The following LDB2 variants were observed in gnomAD, a reference collection of about 807,000 sequenced individuals.
LDB2 encodes the protein LIM domain binding 2.
Under a neutral mutation model 44.3 loss-of-function variants are expected in LDB2, and 12 were observed. The ratio of observed to expected loss-of-function variants is 0.27; its 90% CI spans 0.17 to 0.44. The LOEUF (loss-of-function observed/expected upper bound fraction) is 0.44, where lower values mean the gene tolerates loss of function less well. LDB2 is among the 20% of genes least tolerant of loss of function. LDB2 has a pLI of 1.00. For missense variants in LDB2, 344 were observed against 473.5 expected, an observed-to-expected ratio of 0.73 and a Z score of 2.54; for synonymous variants, 164 against 174.8, an observed-to-expected ratio of 0.94 and a Z score of 0.49.
chr4:16,586,112 T>C (rs1297725674), intron 4 of LDB2, 107 bp from the exon 5 acceptor site: 6 of 836,154 alleles, frequency 7.2e-6, no homozygotes, highest in Non-Finnish European at 1.2e-5. Flanking sequence ...ACATTGTTGA[T>C]TTTATTTGGA....
rs372871991 is a variant in LDB2, at chr4:16,732,663, C to T, written c.235+26495G>A. ...TCAAATTGGAAAACGAGAGAAACTGCCTAATACAGAAAGTTTTATTTTGAT... is the reference window on the plus strand; with the variant it reads ...TCAAATTGGAAAACGAGAGAAACTGTCTAATACAGAAAGTTTTATTTTGAT... On this transcript the variant is annotated intron_variant, in intron 2 of 7. Transcript: ENST00000304523. Among the ~76,000 whole-genome samples, 45 of 152,222 alleles carry T rather than the reference C, an allele frequency of 3.0e-4. No individual in the cohort carries two copies. In the South Asian group the frequency reaches 4.6e-3, roughly 15 times the overall value.
At chr4:16,688,913 T>C (rs1749912112) in intron 2 of LDB2, among the ~76,000 whole-genome samples, 1 of 152,260 alleles carries the variant, frequency 6.6e-6, no homozygotes, top group Non-Finnish European at 1.5e-5. Flanking sequence ...GGATTCTGCA[T>C]CAGGCAAAGT....
At chr4:16,748,794 T>C (rs779032279) in intron 2 of LDB2, among the ~76,000 whole-genome samples, 1 of 152,116 alleles carries the variant, frequency 6.6e-6, no homozygotes, top group Non-Finnish European at 1.5e-5. Flanking sequence ...ATAGTAATAA[T>C]GTAGTGTTTG....
chr4:16,897,587 C>A (rs1455385935), intron 1 of LDB2, among the ~76,000 whole-genome samples: 1 of 152,068 alleles, frequency 6.6e-6, no homozygotes, highest in Non-Finnish European at 1.5e-5. Flanking sequence ...GGCTGAGTCT[C>A]CCTCTCTCAG....
chr4:16,887,221 A>C (rs1336450002), intron 1 of LDB2, among the ~76,000 whole-genome samples: 1 of 113,596 alleles, frequency 8.8e-6, no homozygotes. Flanking sequence ...CTAAGACTTG[A>C]AAAAAAAAAA....
intron 2 of LDB2, among the ~76,000 whole-genome samples, chr4:16,674,046 C>A (rs1745616477): frequency 6.6e-6 from 1 of 151,860 alleles, no homozygotes; most frequent in Admixed American, 6.6e-5. Context: ...TTGTATATCG[C>A]CTTAGTGTTT....
intron 1 of LDB2, among the ~76,000 whole-genome samples, chr4:16,798,036 A>G (rs1398280551): frequency 4.0e-5 from 5 of 126,110 alleles, no homozygotes; most frequent in South Asian, 2.4e-4. Context: ...CTCTGTCTCG[A>G]AAAAAAAAAA....
rs140555452 is a variant in LDB2 at position 16,593,504 on chromosome 4, G to GA, written c.408+2198dup. Among the ~76,000 whole-genome samples the GA allele has an allele frequency of 4.3e-4, 64 of 147,496 alleles. No individual in the cohort carries two copies. The East Asian group carries it at 4.7e-3, about 11-fold the overall frequency. On this transcript the variant is annotated intron_variant, in intron 3 of 7. Transcript: ENST00000304523. Reference sequence around the variant, plus strand: ...ACAAAAAATTGAGAGAGGAAAAAAAGAAAAAAAAAATGGATCCTTTCAAAT... The same window carrying GA: ...ACAAAAAATTGAGAGAGGAAAAAAAGAAAAAAAAAAATGGATCCTTTCAAAT...
intron 2 of LDB2, among the ~76,000 whole-genome samples, chr4:16,672,536 T>A (rs1180363830): frequency 6.6e-6 from 1 of 152,168 alleles, no homozygotes; most frequent in Non-Finnish European, 1.5e-5. Flanking sequence ...TTTTTTAAAC[T>A]ATACTACTGG....
chr4:16,851,237 T>G (rs896897655), intron 1 of LDB2, among the ~76,000 whole-genome samples: 1 of 151,586 alleles, frequency 6.6e-6, no homozygotes, highest in Admixed American at 6.6e-5. Flanking sequence ...TTGTGAAAAA[T>G]TAACATATGC....
intron 1 of LDB2, among the ~76,000 whole-genome samples, chr4:16,784,049 G>C (rs1033346770): frequency 6.6e-6 from 1 of 152,136 alleles, no homozygotes; most frequent in Non-Finnish European, 1.5e-5. Context: ...CATTGACCCT[G>C]CTGCCAGTGG....
chr4:16,711,440 A>C (rs1265907922), intron 2 of LDB2, among the ~76,000 whole-genome samples: 2 of 152,216 alleles, frequency 1.3e-5, no homozygotes, highest in Non-Finnish European at 2.9e-5. Flanking sequence ...AAAGAAGTGA[A>C]GATGGGAAAA....
chr4:16,791,868 C>G (rs1216903657), intron 1 of LDB2, among the ~76,000 whole-genome samples: 1 of 152,196 alleles, frequency 6.6e-6, no homozygotes, highest in African/African-American at 2.4e-5. Flanking sequence ...ACATTCATTT[C>G]AGCAACTTGA....
At chr4:16,577,704 A>G (rs1712326183) in intron 5 of LDB2, among the ~76,000 whole-genome samples, 1 of 152,118 alleles carries the variant, frequency 6.6e-6, no homozygotes, top group African/African-American at 2.4e-5. Flanking sequence ...ATTCTTCACA[A>G]AAACACAGAA....
Position 16,882,072 on chromosome 4 carries a change from G to T in LDB2, c.132+16282C>A, listed in dbSNP as rs560912628. 2.6e-5 allele frequency among the ~76,000 whole-genome samples: 4 copies of T among 152,320 alleles called. No homozygotes were observed. In the South Asian group the frequency reaches 8.3e-4, roughly 32 times the overall value. On this transcript the variant is annotated intron_variant, in intron 1 of 7. Transcript: ENST00000304523. ...TGTATGCACGTGTGTGCATGTCTCA[G>T]TACCGCAATCCTGGCTGGGAAAACC...
intron 2 of LDB2, among the ~76,000 whole-genome samples, chr4:16,613,965 A>T (rs1048822042): frequency 2.6e-5 from 4 of 152,244 alleles, no homozygotes; most frequent in African/African-American, 9.6e-5. Context: ...AGCCAAGACA[A>T]TCTTAAGTGA....
intron 3 of LDB2, among the ~76,000 whole-genome samples, chr4:16,594,061 A>G (rs1245663075): frequency 1.3e-5 from 2 of 150,536 alleles, no homozygotes; most frequent in African/African-American, 4.9e-5. Context: ...CCTTAATTAC[A>G]GCAAAGTTTT....
At chr4:16,562,312 C>T (rs1053952083) in intron 5 of LDB2, among the ~76,000 whole-genome samples, 5 of 152,112 alleles carry the variant, frequency 3.3e-5, no homozygotes, top group Non-Finnish European at 5.9e-5. Flanking sequence ...ATTTTCACAA[C>T]CTACTCATCT....
chr4:16,825,702 A>G (rs990056044), intron 1 of LDB2, among the ~76,000 whole-genome samples: 4 of 152,124 alleles, frequency 2.6e-5, no homozygotes, highest in Non-Finnish European at 5.9e-5. Flanking sequence ...TCTCTAGTGA[A>G]ACAGAAAAAC....
Sources: allele counts gnomAD v4.1 joint callset (sites outside exome capture counted in the v4.1 genomes callset), GRCh38; gene constraint gnomAD v4.1.1; transcripts MANE v1.5; gene names NCBI Gene and HGNC (gene_info 2026-07-23, HGNC 2026-07-21).